Variants in ATP8A1 observed in about 807,000 individuals in gnomAD.
ATP8A1 encodes the protein phospholipid-transporting ATPase IA.
A neutral mutation model predicts 177.7 loss-of-function variants in ATP8A1; 90 were observed. That is an observed-to-expected ratio of 0.51 (90% CI 0.43 to 0.60). The LOEUF (loss-of-function observed/expected upper bound fraction) is 0.60, where lower values mean the gene tolerates loss of function less well. Among genes scored for constraint, ATP8A1 ranks in the 20% least tolerant of loss-of-function variants. The probability of loss-of-function intolerance (pLI) is 0.00; values close to 1 mark genes in which losing one functional copy is unlikely to be tolerated. For missense variants in ATP8A1, 1,072 were observed against 1,392.8 expected (o/e 0.77, Z 3.67); for synonymous variants, 493 against 485.9 (o/e 1.01, Z -0.19).
At chr4:42,532,764 A>G (rs1466797851) in intron 20 of ATP8A1, among the ~76,000 whole-genome samples, 1 of 152,212 alleles carries the variant, frequency 6.6e-6, no homozygotes, top group Non-Finnish European at 1.5e-5. Flanking sequence ...GCATGTATAC[A>G]TCCAGATGGC....
At chr4:42,454,134 T>C (rs925672123) in intron 29 of ATP8A1, among the ~76,000 whole-genome samples, 6 of 152,200 alleles carry the variant, frequency 3.9e-5, no homozygotes, top group Non-Finnish European at 5.9e-5. Context: ...ACCAAATTCA[T>C]TTATTTAAAA....
chr4:42,515,274 T>C (rs1725419015), intron 22 of ATP8A1, among the ~76,000 whole-genome samples: 1 of 152,260 alleles, frequency 6.6e-6, no homozygotes, highest in Admixed American at 6.5e-5. Flanking sequence ...TAAATTTTCA[T>C]TTCATTTTTA....
intron 24 of ATP8A1, among the ~76,000 whole-genome samples, chr4:42,496,973 T>C (rs1299449052): frequency 2.0e-5 from 3 of 152,104 alleles, no homozygotes; most frequent in Non-Finnish European, 2.9e-5. Context: ...AGGGGTTCTG[T>C]GGTCCTGGTG....
At chr4:42,642,176 T>C (rs546620995) in intron 1 of ATP8A1, among the ~76,000 whole-genome samples, 1 of 152,286 alleles carries the variant, frequency 6.6e-6, no homozygotes, top group East Asian at 1.9e-4. Context: ...AGTGTGACAC[T>C]CTCATCTGCC....
At chr4:42,594,502 A>C (rs1734527387) in intron 6 of ATP8A1, 1 of 594,458 alleles carries the variant, frequency 1.7e-6, no homozygotes, top group Admixed American at 2.7e-5. Flanking sequence ...AAATGGAAGA[A>C]AATTATCTAG....
chr4:42,574,620 C>T lies in ATP8A1; in HGVS notation c.1294G>A (p.Gly432Ser), dbSNP rs1272116556. 8.7e-6 allele frequency: 14 copies of T among 1,607,412 alleles called. No individual in the cohort carries two copies. The highest frequency in any genetic ancestry group is 1.2e-5 in the Non-Finnish European group (14 of 1,177,698). Residue 432 changes from glycine to serine, a missense_variant and splice_region_variant, in exon 14 of 37, where the codon GGC becomes AGC. Gly to Ser is a moderately conservative substitution (Grantham distance 56, BLOSUM62 0). Coordinates refer to ENST00000381668, the MANE Select transcript of ATP8A1 (RefSeq NM_006095.2). ...KKCTIAGVAYGHVPEPEDYGC... is the reference protein window; with the variant it reads ...KKCTIAGVAYSHVPEPEDYGC... Reference sequence around the variant, plus strand: ...TCCTAATTAAAGGAAAAAACTCACCCATAAGCAACTCCCGCTATGGTGCAC... The same window carrying T: ...TCCTAATTAAAGGAAAAAACTCACCTATAAGCAACTCCCGCTATGGTGCAC...
At chr4:42,497,208 G>T (rs1342060349) in intron 24 of ATP8A1, among the ~76,000 whole-genome samples, 1 of 152,178 alleles carries the variant, frequency 6.6e-6, no homozygotes, top group East Asian at 1.9e-4. Context: ...TCCAGCACTT[G>T]CTAGACATGG....
chr4:42,497,472 C>T (rs767731777), intron 24 of ATP8A1, among the ~76,000 whole-genome samples: 1 of 152,172 alleles, frequency 6.6e-6, no homozygotes, highest in Non-Finnish European at 1.5e-5. Flanking sequence ...AAGCATTTAT[C>T]TGCAATTCTA....
At chr4:42,543,425 T>C (rs538466266) in intron 20 of ATP8A1, among the ~76,000 whole-genome samples, 59 of 152,206 alleles carry the variant, frequency 3.9e-4, no homozygotes, top group Non-Finnish European at 6.5e-4. Flanking sequence ...GAATAACATA[T>C]TACTATTTCT....
At chr4:42,485,243 G>T (rs1335351623) in intron 25 of ATP8A1, among the ~76,000 whole-genome samples, 2 of 152,144 alleles carry the variant, frequency 1.3e-5, no homozygotes, top group African/African-American at 4.8e-5. Flanking sequence ...GGTAGATAAT[G>T]AATTTTAAAC....
chr4:42,526,369 T>C (rs548368373), intron 20 of ATP8A1, among the ~76,000 whole-genome samples: 4 of 152,246 alleles, frequency 2.6e-5, no homozygotes, highest in African/African-American at 7.2e-5. Flanking sequence ...GTCAACTTGA[T>C]TGGATTGAAG....
intron 22 of ATP8A1, among the ~76,000 whole-genome samples, chr4:42,513,366 T>C (rs1725209129): frequency 6.6e-6 from 1 of 152,204 alleles, no homozygotes; most frequent in African/African-American, 2.4e-5. Context: ...GTATGTTACA[T>C]GCTATACATG....
At chr4:42,643,447 C>T (rs922684799) in intron 1 of ATP8A1, among the ~76,000 whole-genome samples, 8 of 152,156 alleles carry the variant, frequency 5.3e-5, no homozygotes, top group African/African-American at 1.7e-4. Flanking sequence ...GTAAATGGCA[C>T]CACTGTTTTG....
chr4:42,571,674 A>G (rs1400192264), intron 14 of ATP8A1, among the ~76,000 whole-genome samples: 1 of 152,202 alleles, frequency 6.6e-6, no homozygotes, highest in Non-Finnish European at 1.5e-5. Flanking sequence ...CTGGTTTGTC[A>G]TAAGTTAAAT....
At position 42,430,471 on chromosome 4, in the gene ATP8A1, C is replaced by T. The variant is rs188269836; in HGVS notation, c.3124-6766G>A. On this transcript the variant is annotated intron_variant, in intron 33 of 36. Transcript: ENST00000381668. ...CCAGCCCTGTCTCCGAAGGCCAGCT[C>T]GCTAGTGCCTTTTTTTTTTTTCTCC... 3.4e-4 allele frequency among the ~76,000 whole-genome samples: 51 copies of T among 148,854 alleles called. No homozygotes were observed. In the East Asian group the frequency reaches 7.9e-3, roughly 23 times the overall value.
intron 1 of ATP8A1, among the ~76,000 whole-genome samples, chr4:42,652,311 C>T (rs750937930): frequency 1.6e-4 from 24 of 152,192 alleles, no homozygotes; most frequent in Middle Eastern, 6.8e-3. Context: ...ATTAAGAATG[C>T]GAATCCCCAA....
At chr4:42,429,906 C>G (rs1485637413) in intron 33 of ATP8A1, among the ~76,000 whole-genome samples, 1 of 152,132 alleles carries the variant, frequency 6.6e-6, no homozygotes, top group Non-Finnish European at 1.5e-5. Context: ...TACTTAGATG[C>G]AGTGCCTGGA....
At chr4:42,529,182 T>C (rs1188855037) in intron 20 of ATP8A1, among the ~76,000 whole-genome samples, 1 of 152,210 alleles carries the variant, frequency 6.6e-6, no homozygotes. Context: ...CCATATGACC[T>C]AGCAGATTCA....
chr4:42,455,918 A>T (rs1224738047), intron 27 of ATP8A1, among the ~76,000 whole-genome samples: 2 of 152,174 alleles, frequency 1.3e-5, no homozygotes, highest in Non-Finnish European at 2.9e-5. Flanking sequence ...ATGCCATTAA[A>T]TTTTTACAGC....
Sources: gnomAD v4.1 joint callset for allele counts (sites outside exome capture counted in the v4.1 genomes callset) on GRCh38, gnomAD v4.1.1 for gene constraint, MANE v1.5 for transcripts, NCBI Gene and HGNC (gene_info 2026-07-23, HGNC 2026-07-21) for gene names.